Variants in ADAMTS16 observed in about 807,000 individuals in gnomAD.
The protein encoded by ADAMTS16 is ADAM metallopeptidase with thrombospondin type 1 motif 16.
Under a neutral mutation model 145.8 loss-of-function variants are expected in ADAMTS16, and 94 were observed. The ratio of observed to expected loss-of-function variants is 0.64; its 90% confidence interval spans 0.55 to 0.77. The LOEUF is 0.77. ADAMTS16 is among the 30% of genes least tolerant of loss of function. ADAMTS16 has a pLI of 0.00. For missense variants in ADAMTS16, 1,585 were observed against 1,591.5 expected (o/e 1.00, Z 0.07); for synonymous variants, 659 against 604.3 (o/e 1.09, Z -1.33).
At chr5:5,193,346 C>A (rs1264108978) in intron 8 of ADAMTS16, among the ~76,000 whole-genome samples, 1 of 152,112 alleles carries the variant, frequency 6.6e-6, no homozygotes, top group East Asian at 1.9e-4. Flanking sequence ...TATTTCATTG[C>A]TTAGAAAATT....
intron 11 of ADAMTS16, 98 bp from the exon 12 acceptor site, chr5:5,232,270 A>G: frequency 7.1e-7 from 1 of 1,416,696 alleles, no homozygotes; most frequent in Non-Finnish European, 9.9e-7. Context: ...TGCATAGTTT[A>G]CAAAATTCCC....
chr5:5,140,639 G>A, intron 1 of ADAMTS16, 25 bp from the exon 2 acceptor site: 1 of 1,534,966 alleles, frequency 6.5e-7, no homozygotes, highest in East Asian at 2.4e-5. Context: ...CCGTCTCACC[G>A]CGATGTCGCC....
chr5:5,209,348 A>T, intron 10 of ADAMTS16, 102 bp downstream of exon 10: 1 of 1,376,184 alleles, frequency 7.3e-7, no homozygotes, highest in East Asian at 2.4e-5. Flanking sequence ...GGTACCTACC[A>T]AATGTCAAAT....
intron 9 of ADAMTS16, 125 bp downstream of exon 9, chr5:5,200,394 T>C (rs1735924011): frequency 7.9e-7 from 1 of 1,272,828 alleles, no homozygotes; most frequent in Non-Finnish European, 1.1e-6. Context: ...TGAAGGTGTC[T>C]TGAGACATTC....
intron 21 of ADAMTS16, among the ~76,000 whole-genome samples, chr5:5,309,827 C>CGT (rs35723690): frequency 0.39 from 57,404 of 146,622 alleles, 11,275 homozygotes; most frequent in East Asian, 0.64. Flanking sequence ...GTCATGTCCT[C>CGT]GTGTGTGTGT....
intron 10 of ADAMTS16, among the ~76,000 whole-genome samples, chr5:5,212,008 T>G (rs1177916958): frequency 6.6e-6 from 1 of 152,134 alleles, no homozygotes; most frequent in Non-Finnish European, 1.5e-5. Flanking sequence ...GAATATAAAT[T>G]CTGCAGTGGT....
At chr5:5,152,150 C>T (rs1734485808) in intron 3 of ADAMTS16, among the ~76,000 whole-genome samples, 2 of 152,234 alleles carry the variant, frequency 1.3e-5, no homozygotes, top group Non-Finnish European at 2.9e-5. Flanking sequence ...CATTCTGCTC[C>T]AAATAATTTC....
rs771045414 is a variant in ADAMTS16, at chr5:5,190,112, G to T, written c.1189G>T (p.Glu397Ter). The T allele has an allele frequency of 6.2e-7, 1 of 1,602,164 alleles. No individual in the cohort carries two copies. Among genetic ancestry groups the T allele is most frequent in the Non-Finnish European group, 8.5e-7 (1 of 1,174,230 alleles). ...TCTGGATATATGTTCCTGGAAGAAT[G>T]AGCCCTGTGACACTTTGGGTGAGAA... ...TGLDICSWKN[E>*]PCDTLGFAPI... Residue 397 changes from glutamate (E) to a stop codon, truncating the protein, a stop_gained, in exon 7 of 23, where the codon GAG becomes TAG. Transcript: ENST00000274181. LOFTEE classifies it high-confidence loss of function.
intron 3 of ADAMTS16, among the ~76,000 whole-genome samples, chr5:5,169,661 G>A (rs575991694): frequency 4.6e-5 from 7 of 152,282 alleles, no homozygotes; most frequent in Middle Eastern, 3.4e-3. Context: ...ACGATTGCTC[G>A]CTAGGTGTCC....
chr5:5,305,341 A>T (rs1579406949), intron 20 of ADAMTS16, among the ~76,000 whole-genome samples: 1 of 116,710 alleles, frequency 8.6e-6, no homozygotes, highest in Non-Finnish European at 1.8e-5. Context: ...CACCACACAC[A>T]CACACATCCC....
At chr5:5,233,539 T>G (rs10068338) in intron 12 of ADAMTS16, among the ~76,000 whole-genome samples, 21,128 of 152,132 alleles carry the variant, frequency 0.14, 2,717 homozygotes, top group African/African-American at 0.34. Context: ...TCCCTTTATA[T>G]GTCCATGTGT....
intron 21 of ADAMTS16, among the ~76,000 whole-genome samples, chr5:5,308,116 T>C (rs4473739): frequency 0.79 from 119,857 of 152,218 alleles, 47,286 homozygotes; most frequent in South Asian, 0.82. Flanking sequence ...AGGTGAAGTC[T>C]TACGTTGATC....
intron 18 of ADAMTS16, among the ~76,000 whole-genome samples, chr5:5,293,598 C>T (rs1739414189): frequency 6.6e-6 from 1 of 152,172 alleles, no homozygotes; most frequent in South Asian, 2.1e-4. Flanking sequence ...CTTCTCTGTC[C>T]TGAGATCGGG....
At chr5:5,231,526 T>C (rs761934637) in intron 11 of ADAMTS16, among the ~76,000 whole-genome samples, 19 of 151,808 alleles carry the variant, frequency 1.3e-4, no homozygotes, top group Non-Finnish European at 2.6e-4. Context: ...CAGACCAAGC[T>C]CTTCTCACTC....
At chr5:5,160,980 T>C (rs1378430747) in intron 3 of ADAMTS16, among the ~76,000 whole-genome samples, 1 of 152,228 alleles carries the variant, frequency 6.6e-6, no homozygotes, top group African/African-American at 2.4e-5. Flanking sequence ...ATCTCACAGA[T>C]TGCAATTTAA....
intron 17 of ADAMTS16, among the ~76,000 whole-genome samples, chr5:5,250,105 T>C (rs1737575125): frequency 6.6e-6 from 1 of 152,172 alleles, no homozygotes; most frequent in Non-Finnish European, 1.5e-5. Flanking sequence ...GGGCACAGGA[T>C]AGGGGGCAAG....
chr5:5,235,323 G>C, intron 13 of ADAMTS16, 137 bp downstream of exon 13: 1 of 949,366 alleles, frequency 1.1e-6, no homozygotes, highest in African/African-American at 1.7e-5. Context: ...ATTCTCTTCT[G>C]GAGGTTAGTT....
intron 8 of ADAMTS16, among the ~76,000 whole-genome samples, chr5:5,195,476 A>T (rs1735777089): frequency 6.6e-6 from 1 of 152,206 alleles, no homozygotes; most frequent in East Asian, 1.9e-4. Context: ...TCTGATAGTG[A>T]CCAGGGAGGG....
chr5:5,174,755 A>G (rs1366161), intron 3 of ADAMTS16, among the ~76,000 whole-genome samples: 61,608 of 152,042 alleles, frequency 0.41, 13,029 homozygotes, highest in Admixed American at 0.54. Flanking sequence ...TTCAGTTTGT[A>G]AAATGCATTT....
Sources: gnomAD v4.1 joint callset for allele counts (sites outside exome capture counted in the v4.1 genomes callset) on GRCh38, gnomAD v4.1.1 for gene constraint, MANE v1.5 for transcripts, NCBI Gene and HGNC (gene_info 2026-07-23, HGNC 2026-07-21) for gene names.